Variants in AZIN2 observed in about 807,000 individuals in gnomAD.
The protein encoded by AZIN2 is antizyme inhibitor 2.
AZIN2 carries 28 observed loss-of-function variants against 47.8 expected under a neutral mutation model. The ratio of observed to expected loss-of-function variants is 0.59; its 90% CI spans 0.43 to 0.80. AZIN2 has a LOEUF of 0.80. AZIN2 is among the 30% of genes least tolerant of loss of function. The pLI is 0.00. For missense variants in AZIN2, 535 were observed against 582.5 expected (o/e 0.92, Z 0.84); for synonymous variants, 221 against 239.4 (o/e 0.92, Z 0.71).
At position 33,091,909 on chromosome 1, in the gene AZIN2, GTA is replaced by G; in HGVS notation, c.280-139_280-138del. On this transcript the variant is annotated intron_variant, in intron 5 of 11. Transcript: ENST00000294517. ...AATCCATGTAAGTCCTGATATCTAT[GTA>G]TCTGTTGTCTTAGAGCAAGGCCCAC... 3 of 792,462 alleles carry G rather than the reference GTA, an allele frequency of 3.8e-6. No homozygotes were observed. The South Asian group carries it at 5.3e-5, about 14-fold the overall frequency. 49.1% of individuals were successfully genotyped at this position (792,462 alleles called of 1,614,324 possible).
chr1:33,118,138 A>T, intron 11 of AZIN2, 22 bp downstream of exon 11: 1 of 1,504,302 alleles, frequency 6.6e-7, no homozygotes, highest in Non-Finnish European at 8.9e-7. Flanking sequence ...CTGCTGGAAA[A>T]TGGGGGTATG....
the AZIN2 span, chr1:33,142,855 G>C: frequency 6.6e-6 from 1 of 152,100 alleles, no homozygotes; most frequent in Non-Finnish European, 1.5e-5. Context: ...CCGAGTACTG[G>C]CTGTGGGTCC....
intron 10 of AZIN2, among the ~76,000 whole-genome samples, chr1:33,102,805 C>T (rs1643806001): frequency 6.6e-6 from 1 of 152,152 alleles, no homozygotes; most frequent in Non-Finnish European, 1.5e-5. Context: ...CAACTACCCG[C>T]TTGAGATTCC....
At chr1:33,097,691 A>G (rs1405961924) in intron 9 of AZIN2, among the ~76,000 whole-genome samples, 2 of 152,130 alleles carry the variant, frequency 1.3e-5, no homozygotes, top group East Asian at 1.9e-4. Flanking sequence ...GTCTGATCCA[A>G]TCAAGAGACC....
intron 10 of AZIN2, chr1:33,101,942 G>A: frequency 5.2e-6 from 4 of 766,768 alleles, no homozygotes; most frequent in Non-Finnish European, 9.7e-6. Flanking sequence ...CTCCTCTCAA[G>A]GCATTTGGAC....
the AZIN2 span, among the ~76,000 whole-genome samples, chr1:33,134,510 T>C: frequency 3.9e-5 from 6 of 152,128 alleles, no homozygotes; most frequent in Admixed American, 3.3e-4. Context: ...TAAAGGACTA[T>C]CCTATGGAAA....
the AZIN2 span, among the ~76,000 whole-genome samples, chr1:33,156,812 C>T: frequency 6.6e-6 from 1 of 152,160 alleles, no homozygotes; most frequent in African/African-American, 2.4e-5. Context: ...TCCTTTTAGT[C>T]ACTTTGGCTG....
chr1:33,108,137 C>G (rs1380740663), intron 10 of AZIN2, among the ~76,000 whole-genome samples: 1 of 151,926 alleles, frequency 6.6e-6, no homozygotes, highest in Non-Finnish European at 1.5e-5. Context: ...AACATATAGA[C>G]CAGTGGAATA....
chr1:33,082,565 A>G (rs1441769406), intron 4 of AZIN2: 1 of 484,518 alleles, frequency 2.1e-6, no homozygotes, highest in Non-Finnish European at 3.7e-6. Context: ...CAGCCCTCCA[A>G]GGTCAGAAAC....
the AZIN2 span, among the ~76,000 whole-genome samples, chr1:33,148,144 TAAC>T: frequency 6.6e-6 from 1 of 152,100 alleles, no homozygotes; most frequent in Non-Finnish European, 1.5e-5. Flanking sequence ...CAGGTTGTCT[TAAC>T]AACAGCTGGG....
chr1:33,110,322 G>C (rs1479291563), intron 10 of AZIN2, among the ~76,000 whole-genome samples: 1 of 152,152 alleles, frequency 6.6e-6, no homozygotes, highest in Non-Finnish European at 1.5e-5. Context: ...GCTTCTCACT[G>C]ATAAGGTTTC....
Position 33,121,514 on chromosome 1 carries a change from GTTGCAGTGAGCCGAGA to G in AZIN2, c.*1338_*1353del, listed in dbSNP as rs1482286052. Among the ~76,000 whole-genome samples, 1 of 152,174 alleles carries G rather than the reference GTTGCAGTGAGCCGAGA, an allele frequency of 6.6e-6. No homozygotes were observed. The highest frequency in any genetic ancestry group is 1.5e-5 in the Non-Finnish European group (1 of 68,024). On this transcript the variant is annotated 3_prime_UTR_variant, in exon 12 of 12. Coordinates refer to ENST00000294517, the MANE Select transcript of AZIN2 (RefSeq NM_052998.4). ...GAGGTGGAGGTCGCAGTGAGCCGAG[GTTGCAGTGAGCCGAGA>G]TTGCACCACTGCACTCCAGCCTGGG...
At chr1:33,159,843 C>T in the AZIN2 span, 39 of 1,613,572 alleles carry the variant, frequency 2.4e-5, no homozygotes, top group South Asian at 1.8e-4. The surrounding 1 kb of genome is among the most constrained non-coding windows in gnomAD (Gnocchi z 4.2). Context: ...GGGCCGTGTC[C>T]GCCTCCAGCT....
At chr1:33,084,442 T>C (rs1641651095) in intron 5 of AZIN2, among the ~76,000 whole-genome samples, 1 of 152,142 alleles carries the variant, frequency 6.6e-6, no homozygotes, top group Non-Finnish European at 1.5e-5. Context: ...AGCGTCTCCA[T>C]ATTGTTGGTT....
downstream of AZIN2, among the ~76,000 whole-genome samples, chr1:33,126,728 TTC>T (rs1644859273): frequency 2.0e-5 from 3 of 152,170 alleles, no homozygotes; most frequent in Non-Finnish European, 2.9e-5. Context: ...CAATAGCGCT[TTC>T]TGTTTTTCCA....
chr1:33,097,754 G>A (rs1209506960), intron 9 of AZIN2, among the ~76,000 whole-genome samples: 1 of 152,130 alleles, frequency 6.6e-6, no homozygotes, highest in East Asian at 1.9e-4. Flanking sequence ...CTGAGCAAGT[G>A]GCTTAACCTT....
At position 33,121,137 on chromosome 1, in the gene AZIN2, G is replaced by A. The variant is rs530947788; in HGVS notation, c.*955G>A. Among the ~76,000 whole-genome samples, 1 of 152,302 alleles carries A rather than the reference G, an allele frequency of 6.6e-6. No individual in the cohort carries two copies. The highest frequency in any genetic ancestry group is 6.5e-5 in the Admixed American group (1 of 15,304). On this transcript the variant is annotated 3_prime_UTR_variant, in exon 12 of 12. Transcript: ENST00000294517. ...CCGGGTTCCCAAATTATGCCCCGGGGTGTGTGAGCTGTTGAGCAAAGGAGT... is the reference window on the plus strand; with the variant it reads ...CCGGGTTCCCAAATTATGCCCCGGGATGTGTGAGCTGTTGAGCAAAGGAGT...
At chr1:33,132,191 CT>C in the AZIN2 span, among the ~76,000 whole-genome samples, 1 of 152,230 alleles carries the variant, frequency 6.6e-6, no homozygotes, top group Non-Finnish European at 1.5e-5. Context: ...CTGCCTACTG[CT>C]TTTTTCCCAC....
chr1:33,100,100 T>C (rs1410248317), intron 10 of AZIN2, among the ~76,000 whole-genome samples: 1 of 152,064 alleles, frequency 6.6e-6, no homozygotes, highest in Non-Finnish European at 1.5e-5. Flanking sequence ...GGTGGTTGGA[T>C]ACCTGAAGTC....
Sources: allele counts gnomAD v4.1 joint callset (sites outside exome capture counted in the v4.1 genomes callset), GRCh38; gene constraint gnomAD v4.1.1; non-coding constraint Gnocchi (gnomAD v3.1); transcripts MANE v1.5; gene names NCBI Gene and HGNC (gene_info 2026-07-23, HGNC 2026-07-21).